Variants in ANKRD30A observed in about 807,000 individuals in gnomAD.
ANKRD30A encodes the protein ankyrin repeat domain 30A, also known as ankyrin repeat domain-containing protein 30A.
In ANKRD30A, 170 loss-of-function variants were observed where a neutral mutation model predicts 166.3. The ratio of observed to expected loss-of-function variants is 1.02; its 90% confidence interval spans 0.90 to 1.16. ANKRD30A has a LOEUF of 1.16. Ranked by LOEUF, ANKRD30A falls within the 50% of genes most tolerant of loss-of-function variation. ANKRD30A has a pLI of 0.00. For missense variants in ANKRD30A, 1,630 were observed against 1,518.0 expected, an observed-to-expected ratio of 1.07 and a Z score of -1.23; for synonymous variants, 564 against 508.9, an observed-to-expected ratio of 1.11 and a Z score of -1.46.
chr10:37,210,832 A>T (rs573617366), intron 31 of ANKRD30A, among the ~76,000 whole-genome samples: 1 of 151,866 alleles, frequency 6.6e-6, no homozygotes, highest in Admixed American at 6.6e-5. Flanking sequence ...TTTCCTTGTA[A>T]ATTTGTTTAA....
chr10:37,254,770 G>C, the ANKRD30A span, among the ~76,000 whole-genome samples: 2 of 145,566 alleles, frequency 1.4e-5, no homozygotes, highest in Non-Finnish European at 1.5e-5. Flanking sequence ...TGCAAGCTCC[G>C]CCTCCCGGGT....
intron 31 of ANKRD30A, among the ~76,000 whole-genome samples, chr10:37,206,002 T>G (rs1463299388): frequency 6.6e-6 from 1 of 152,174 alleles, no homozygotes; most frequent in Non-Finnish European, 1.5e-5. Context: ...TATCTGAGTA[T>G]GTTTTTAGCC....
At chr10:37,199,323 A>G (rs1588906797) in intron 29 of ANKRD30A, among the ~76,000 whole-genome samples, 1 of 152,110 alleles carries the variant, frequency 6.6e-6, no homozygotes, top group Admixed American at 6.6e-5. Context: ...ACTGCGTAAT[A>G]GAGATTGCTG....
intron 12 of ANKRD30A, among the ~76,000 whole-genome samples, chr10:37,152,518 G>T (rs1320356857): frequency 1.3e-5 from 2 of 152,030 alleles, no homozygotes; most frequent in African/African-American, 4.8e-5. Flanking sequence ...ATTTTAAACT[G>T]CAGTATTGTA....
the ANKRD30A span, chr10:37,248,110 C>T: frequency 3.4e-6 from 2 of 584,004 alleles, no homozygotes; most frequent in Non-Finnish European, 3.4e-6. Context: ...TTATTGTTCT[C>T]CCTGCAGATT....
chr10:37,261,143 T>C, the ANKRD30A span, among the ~76,000 whole-genome samples: 2 of 152,294 alleles, frequency 1.3e-5, no homozygotes, highest in African/African-American at 4.8e-5. Flanking sequence ...AGGATAAAAA[T>C]CAGGCTTCTC....
chr10:37,137,277 T>C (rs1460231158), intron 6 of ANKRD30A, among the ~76,000 whole-genome samples: 1 of 152,206 alleles, frequency 6.6e-6, no homozygotes, highest in Non-Finnish European at 1.5e-5. Context: ...AGCTCCAGTC[T>C]ACAGCTCCCA....
chr10:37,161,555 A>G (rs1838872414), intron 15 of ANKRD30A, among the ~76,000 whole-genome samples: 1 of 152,088 alleles, frequency 6.6e-6, no homozygotes, highest in Non-Finnish European at 1.5e-5. Flanking sequence ...GGAGACTCTG[A>G]GAAGAACAGT....
chr10:37,197,166 G>A, intron 27 of ANKRD30A, 115 bp from the exon 28 acceptor site: 1 of 1,415,876 alleles, frequency 7.1e-7, no homozygotes. Flanking sequence ...CAAATCTAAA[G>A]TATTCATTCT....
chr10:37,141,815 T>C lies in ANKRD30A; in HGVS notation c.918T>C (p.Ala306=), dbSNP rs774956263. ...TGGTGGAAAAAACACCTGATGAGGCTGCACCCTTGGTGGAAAGAACACCTG... is the reference window on the plus strand; with the variant it reads ...TGGTGGAAAAAACACCTGATGAGGCCGCACCCTTGGTGGAAAGAACACCTG... ...ESLVEKTPDE[A]APLVERTPDT... is the part of the protein sequence containing the mutation. The change falls in exon 7 of 36, where the codon GCT becomes GCC. Residue 306 remains alanine (A), a synonymous_variant. Transcript: ENST00000361713. 3.1e-6 allele frequency: 5 copies of C among 1,612,064 alleles called. No homozygotes were observed. The East Asian group carries it at 6.7e-5, about 22-fold the overall frequency.
Position 37,142,285 on chromosome 10 carries a change from C to G in ANKRD30A, c.1388C>G (p.Ala463Gly). ...PTKESSTKAS[A>G]NDQRFPSESK... ...AAAGAATCATCTACAAAAGCAAGTG[C>G]CAATGGTAAGATGCTAGAGCGAACT... is the stretch of plus-strand genomic sequence containing the variant. Residue 463 changes from alanine (A) to glycine (G), a missense_variant, in exon 7 of 36, where the codon GCC becomes GGC. By Grantham distance (60) the Ala-to-Gly change is moderately conservative. Around this residue, in one of 4 missense-constraint regions of ANKRD30A, gnomAD observed 904 missense variants for 818.5 expected, o/e 1.10. Coordinates refer to ENST00000361713, the MANE Select transcript of ANKRD30A (RefSeq NM_052997.3). 1 of 1,588,664 alleles carries G rather than the reference C, an allele frequency of 6.3e-7. No homozygotes were observed. Among genetic ancestry groups the G allele is most frequent in the Non-Finnish European group, 8.5e-7 (1 of 1,172,582 alleles).
chr10:37,130,847 G>A (rs1250393143), intron 3 of ANKRD30A, among the ~76,000 whole-genome samples: 1 of 152,100 alleles, frequency 6.6e-6, no homozygotes, highest in Non-Finnish European at 1.5e-5. Flanking sequence ...GTTTGCTACT[G>A]TGCCCACCTA....
At chr10:37,142,437 AGCTCT>A (rs1837209588) in intron 7 of ANKRD30A, 147 bp downstream of exon 7, 1 of 710,064 alleles carries the variant, frequency 1.4e-6, no homozygotes, top group African/African-American at 1.8e-5. Flanking sequence ...AGGAATAAGT[AGCTCT>A]TATTCTGTAG....
At chr10:37,217,148 T>G (rs1842645165) in intron 32 of ANKRD30A, among the ~76,000 whole-genome samples, 1 of 150,878 alleles carries the variant, frequency 6.6e-6, no homozygotes. Context: ...AAAGCATTAC[T>G]CAAAAAAGAA....
At chr10:37,197,888 T>G (rs1841277611) in intron 29 of ANKRD30A, among the ~76,000 whole-genome samples, 1 of 152,104 alleles carries the variant, frequency 6.6e-6, no homozygotes, top group African/African-American at 2.4e-5. Flanking sequence ...AATTACCTCG[T>G]TTCCAGTGTT....
chr10:37,248,779 G>T, the ANKRD30A span, among the ~76,000 whole-genome samples: 2 of 151,846 alleles, frequency 1.3e-5, no homozygotes, highest in Admixed American at 6.6e-5. Flanking sequence ...CCATGCAGAT[G>T]CTGAGTTGGG....
chr10:37,161,172 A>T lies in ANKRD30A; in HGVS notation c.1901-1477A>T, dbSNP rs144166458. Reference sequence around the variant, plus strand: ...TGATGCTGATGCTGGTGGTCCTTGGAGCTTGCTCTGAGTAGCAAAAGGAGA... The same window carrying T: ...TGATGCTGATGCTGGTGGTCCTTGGTGCTTGCTCTGAGTAGCAAAAGGAGA... On this transcript the variant is annotated intron_variant, in intron 15 of 35. Transcript: ENST00000361713. Among the ~76,000 whole-genome samples the T allele has an allele frequency of 9.4e-3, 1,426 of 152,306 alleles. 31 individuals are homozygous for T. The highest frequency in any genetic ancestry group is 0.032 in the African/African-American group (1,349 of 41,562).
chr10:37,251,023 G>T, the ANKRD30A span, among the ~76,000 whole-genome samples: 8 of 152,168 alleles, frequency 5.3e-5, no homozygotes, highest in African/African-American at 1.9e-4. Flanking sequence ...GCTAGAAAAG[G>T]GGACAAATAA....
rs1201828 is a variant in ANKRD30A at position 37,197,321 on chromosome 10, T to C, written c.2643+12T>C. Reference sequence around the variant, plus strand: ...CATCTGCCTTCGAGGTATTTAGTTTTATGATTTCATTTTGAATGACTTATT... The same window carrying C: ...CATCTGCCTTCGAGGTATTTAGTTTCATGATTTCATTTTGAATGACTTATT... On this transcript the variant is annotated intron_variant, in intron 28 of 35. Transcript: ENST00000361713. 22,465 of 1,611,716 alleles carry C rather than the reference T, an allele frequency of 0.014. 285 individuals carry two copies. The highest frequency in any genetic ancestry group is 0.053 in the Admixed American group (3,159 of 59,808).
Sources: gnomAD v4.1 joint callset for allele counts (sites outside exome capture counted in the v4.1 genomes callset) on GRCh38, gnomAD v4.1.1 for gene constraint, gnomAD v4.1.1 regional missense constraint, MANE v1.5 for transcripts, NCBI Gene and HGNC (gene_info 2026-07-23, HGNC 2026-07-21) for gene names.